DRGX: variants seen among roughly 807,000 people sequenced by gnomAD.
The protein encoded by DRGX is dorsal root ganglia homeobox protein.
In DRGX, 21 loss-of-function variants were observed where a neutral mutation model predicts 28.6. The observed-to-expected ratio is 0.73, with a 90% CI of 0.52 to 1.06. The LOEUF (loss-of-function observed/expected upper bound fraction) is 1.06. DRGX is among the 50% of genes least tolerant of loss of function. The pLI is 0.00. For synonymous variants in DRGX, 136 were observed against 139.1 expected (o/e 0.98, Z 0.16); for missense variants, 354 against 343.9 (o/e 1.03, Z -0.23).
At chr10:49,391,817 A>G (rs764746282) in intron 2 of DRGX, 1 of 519,592 alleles carries the variant, frequency 1.9e-6, no homozygotes, top group South Asian at 1.5e-5. Flanking sequence ...TAAGAAGTTT[A>G]TAAATGAATA....
intron 6 of DRGX, among the ~76,000 whole-genome samples, chr10:49,372,088 G>A (rs770232282): frequency 6.6e-6 from 1 of 152,172 alleles, no homozygotes; most frequent in African/African-American, 2.4e-5. Context: ...TCCCAGGATG[G>A]CCCAAAGCCA....
intron 6 of DRGX, among the ~76,000 whole-genome samples, chr10:49,368,650 TG>T (rs1849624305): frequency 6.6e-6 from 1 of 152,248 alleles, no homozygotes; most frequent in East Asian, 1.9e-4. Flanking sequence ...CAAGTCTTCC[TG>T]CCCAAACGCA....
chr10:49,386,279 T>C (rs1460727498), intron 6 of DRGX, among the ~76,000 whole-genome samples, 199 bp downstream of exon 6: 2 of 152,112 alleles, frequency 1.3e-5, no homozygotes, highest in Admixed American at 6.5e-5. Flanking sequence ...TAGGACATTC[T>C]CTCTATGCTC....
At chr10:49,367,676 G>A (rs781417407) in intron 6 of DRGX, among the ~76,000 whole-genome samples, 20 of 152,184 alleles carry the variant, frequency 1.3e-4, no homozygotes, top group Admixed American at 1.3e-4. Flanking sequence ...TGGAAAATAC[G>A]AAGAGGGAAT....
intron 6 of DRGX, among the ~76,000 whole-genome samples, chr10:49,368,547 G>C (rs951429132): frequency 6.6e-6 from 1 of 152,236 alleles, no homozygotes; most frequent in Non-Finnish European, 1.5e-5. Flanking sequence ...GACTCTCATG[G>C]GAGATGACAG....
intron 6 of DRGX, among the ~76,000 whole-genome samples, chr10:49,370,004 C>A (rs957795390): frequency 6.6e-5 from 10 of 152,022 alleles, no homozygotes; most frequent in African/African-American, 2.4e-4. Flanking sequence ...AAGGAAGCTT[C>A]GCAGGGTTTT....
intron 6 of DRGX, among the ~76,000 whole-genome samples, chr10:49,380,637 C>T (rs1463723651): frequency 6.6e-6 from 1 of 152,186 alleles, no homozygotes; most frequent in East Asian, 1.9e-4. Flanking sequence ...AAAAGCACAT[C>T]ACTGCTTGAA....
intron 4 of DRGX, among the ~76,000 whole-genome samples, chr10:49,387,629 C>T (rs1849854293): frequency 6.7e-6 from 1 of 149,412 alleles, no homozygotes; most frequent in Non-Finnish European, 1.5e-5. Context: ...TGCCACTGCA[C>T]TCCAGCCTGG....
rs1388922941 is a variant in DRGX at position 49,377,775 on chromosome 10, A to C, written c.526+8703T>G. Among the ~76,000 whole-genome samples, 3 of 152,238 alleles carry C rather than the reference A, an allele frequency of 2.0e-5. No homozygotes were observed. The East Asian group carries it at 5.8e-4, about 29-fold the overall frequency. On this transcript the variant is annotated intron_variant, in intron 6 of 6. Coordinates refer to ENST00000374139, the MANE Select transcript of DRGX (RefSeq NM_001276451.2). ...GAAAGAGCCTAAGGAAAAGCAGCAGAAGAACTGCCCAGTTGAGCCCAGCCA... is the reference window on the plus strand; with the variant it reads ...GAAAGAGCCTAAGGAAAAGCAGCAGCAGAACTGCCCAGTTGAGCCCAGCCA...
At chr10:49,368,906 T>C (rs1414964682) in intron 6 of DRGX, among the ~76,000 whole-genome samples, 2 of 152,256 alleles carry the variant, frequency 1.3e-5, no homozygotes, top group Admixed American at 1.3e-4. Flanking sequence ...GTTGGGGCTA[T>C]AGGCTCTCAG....
chr10:49,386,506 C>T lies in DRGX; in HGVS notation c.498G>A (p.Gln166=). The T allele has an allele frequency of 6.3e-7, 1 of 1,584,668 alleles. No homozygotes were observed. The highest frequency in any genetic ancestry group is 8.6e-7 in the Non-Finnish European group (1 of 1,165,584). The change falls in exon 6 of 7, where the codon CAG becomes CAA. Residue 166 remains glutamine, a synonymous_variant. Transcript: ENST00000374139. ...TGAGGGAAGCCACATGGGACAAGGC[C>T]TGGGCGTAGGTGGCCGTGTTCAGGA... is the stretch of plus-strand genomic sequence containing the variant. ...GTLLNTATYA[Q]ALSHVASLKG...
chr10:49,394,612 A>T (rs958523597), intron 2 of DRGX, among the ~76,000 whole-genome samples: 5 of 152,156 alleles, frequency 3.3e-5, no homozygotes, highest in Non-Finnish European at 7.4e-5. Flanking sequence ...CCATCCTTGG[A>T]TCCCTCGGGT....
chr10:49,384,629 C>T (rs1237192648), intron 6 of DRGX, among the ~76,000 whole-genome samples: 1 of 152,182 alleles, frequency 6.6e-6, no homozygotes, highest in Non-Finnish European at 1.5e-5. Context: ...TTTGTGGCCA[C>T]GTTCACTCAG....
At chr10:49,390,018 A>G (rs554853198) in intron 4 of DRGX, 115 bp downstream of exon 4, 3 of 887,278 alleles carry the variant, frequency 3.4e-6, no homozygotes, top group Admixed American at 3.0e-5. Context: ...CATGAAAATG[A>G]CAGATAGTCT....
At chr10:49,388,976 G>A (rs537626793) in intron 4 of DRGX, among the ~76,000 whole-genome samples, 2 of 152,174 alleles carry the variant, frequency 1.3e-5, no homozygotes, top group East Asian at 1.9e-4. Flanking sequence ...CACCTTTCAG[G>A]GAGAAGTTAT....
chr10:49,375,865 A>G (rs1325517841), intron 6 of DRGX, among the ~76,000 whole-genome samples: 2 of 152,096 alleles, frequency 1.3e-5, no homozygotes, highest in Non-Finnish European at 2.9e-5. Context: ...CAGCAGCCAG[A>G]GCTCGGCATG....
chr10:49,388,910 A>G (rs1849869434), intron 4 of DRGX, among the ~76,000 whole-genome samples: 1 of 151,966 alleles, frequency 6.6e-6, no homozygotes, highest in African/African-American at 2.4e-5. Flanking sequence ...AATAGCCAAC[A>G]ACAGCCTGAA....
intron 6 of DRGX, among the ~76,000 whole-genome samples, chr10:49,371,550 G>A (rs946289873): frequency 2.6e-5 from 4 of 152,104 alleles, no homozygotes; most frequent in Non-Finnish European, 4.4e-5. Context: ...CCAGCACTTT[G>A]GGAGGCCAAG....
rs755797474 is a variant in DRGX, at chr10:49,386,536, C to A, written c.468G>T (p.Gly156=). 70 of 1,589,296 alleles carry A rather than the reference C, an allele frequency of 4.4e-5. No individual in the cohort carries two copies. Among genetic ancestry groups the A allele is most frequent in the Non-Finnish European group, 3.9e-5 (45 of 1,167,900 alleles). The change falls in exon 6 of 7, where the codon GGG becomes GGT. Residue 156 remains glycine (G), a synonymous_variant. Transcript: ENST00000374139. ...CGTAGGTGGCCGTGTTCAGGAGAGTCCCCGGCAAGCAGGAGGGGAAGAAAG... is the reference window on the plus strand; with the variant it reads ...CGTAGGTGGCCGTGTTCAGGAGAGTACCCGGCAAGCAGGAGGGGAAGAAAG... ...AGPFFPSCLP[G]TLLNTATYAQ... is the part of the protein sequence containing the mutation.
Sources: gnomAD v4.1 joint callset for allele counts (sites outside exome capture counted in the v4.1 genomes callset) on GRCh38, gnomAD v4.1.1 for gene constraint, MANE v1.5 for transcripts, NCBI Gene and HGNC (gene_info 2026-07-23, HGNC 2026-07-21) for gene names.